Variants in SCFD1 observed in about 807,000 individuals in gnomAD.
The protein encoded by SCFD1 is sec1 family domain containing 1.
In SCFD1, 37 loss-of-function variants were observed where a neutral mutation model predicts 103.2. The ratio of observed to expected loss-of-function variants is 0.36; its 90% CI spans 0.28 to 0.47. The LOEUF (loss-of-function observed/expected upper bound fraction) is 0.47. Ranked by LOEUF, SCFD1 falls within the 20% of genes least tolerant of loss-of-function variation. The pLI, the probability that SCFD1 is intolerant of heterozygous loss-of-function variation, is 1.00. For synonymous variants in SCFD1, 264 were observed against 245.0 expected, an observed-to-expected ratio of 1.08 and a Z score of -0.73; for missense variants, 639 against 761.2, an observed-to-expected ratio of 0.84 and a Z score of 1.89.
intron 14 of SCFD1, chr14:30,676,781 A>G (rs1889068863): frequency 6.6e-6 from 1 of 152,156 alleles, no homozygotes; most frequent in Non-Finnish European, 1.5e-5. Context: ...TTTTAAAATA[A>G]AGAAGACTGT....
chr14:30,719,405 G>A, intron 21 of SCFD1, 28 bp downstream of exon 21: 1 of 1,571,408 alleles, frequency 6.4e-7, no homozygotes, highest in South Asian at 1.2e-5. Context: ...TGTTTAACTT[G>A]TGGATTTTTT....
intron 6 of SCFD1, among the ~76,000 whole-genome samples, chr14:30,640,234 A>G (rs947790060): frequency 2.0e-5 from 3 of 152,158 alleles, no homozygotes; most frequent in African/African-American, 7.2e-5. Context: ...CTGTGCTTAT[A>G]AAACACTGGA....
intron 8 of SCFD1, among the ~76,000 whole-genome samples, chr14:30,650,291 A>G (rs1020005953): frequency 6.6e-6 from 1 of 152,026 alleles, no homozygotes; most frequent in Non-Finnish European, 1.5e-5. Context: ...ATTACTGCAA[A>G]TCGTTTCCCA....
At chr14:30,684,915 G>T (rs1210823529) in intron 14 of SCFD1, among the ~76,000 whole-genome samples, 1 of 93,960 alleles carries the variant, frequency 1.1e-5, no homozygotes, top group African/African-American at 4.9e-5. Flanking sequence ...ACCCACTAAC[G>T]TGTCATCTAG....
intron 7 of SCFD1, among the ~76,000 whole-genome samples, chr14:30,644,673 A>G (rs973742140): frequency 6.6e-6 from 1 of 152,106 alleles, no homozygotes; most frequent in African/African-American, 2.4e-5. Context: ...GTGTCTGTTC[A>G]TGTCCTTTGC....
chr14:30,708,796 G>A (rs1199068749), intron 19 of SCFD1, among the ~76,000 whole-genome samples: 1 of 152,048 alleles, frequency 6.6e-6, no homozygotes, highest in African/African-American at 2.4e-5. Flanking sequence ...ATTGTACCTC[G>A]ATTTCGCATT....
chr14:30,724,072 T>TAA (rs59654790), intron 23 of SCFD1, among the ~76,000 whole-genome samples: 4,937 of 91,154 alleles, frequency 0.054, 181 homozygotes, highest in Middle Eastern at 0.093. Flanking sequence ...ACCAGTATCT[T>TAA]AAAAAAAAAA....
chr14:30,622,428 C>T (rs1472940149), intron 1 of SCFD1, 29 bp downstream of exon 1: 6 of 1,550,096 alleles, frequency 3.9e-6, no homozygotes, highest in Non-Finnish European at 5.2e-6. Flanking sequence ...CTCCTTGAAG[C>T]TTCGTGACTG....
chr14:30,697,841 A>C (rs1890801928), intron 15 of SCFD1, among the ~76,000 whole-genome samples: 2 of 152,264 alleles, frequency 1.3e-5, no homozygotes, highest in Admixed American at 6.5e-5. Context: ...TGTTTCATAC[A>C]GAAGAAGACT....
intron 5 of SCFD1, among the ~76,000 whole-genome samples, chr14:30,639,258 A>T (rs1885036165): frequency 1.3e-5 from 2 of 152,116 alleles, no homozygotes; most frequent in Admixed American, 1.3e-4. Flanking sequence ...AAGCTCTGGG[A>T]TTACAGGTGC....
At position 30,735,844 on chromosome 14, in the gene SCFD1, A is replaced by T; in HGVS notation, c.*235A>T. The T allele has an allele frequency of 2.5e-6, 1 of 397,882 alleles. No homozygotes were observed. Among genetic ancestry groups the T allele is most frequent in the East Asian group, 4.3e-5 (1 of 23,412 alleles). The allele number at this position is 397,882 out of a possible 1,614,324, so 24.6% of individuals were successfully genotyped here. A position where few individuals can be genotyped will look rare whatever the true frequency, so the allele number is the denominator to read the frequency against. ...CTCTGATAAATCAGAAAGTACTAAT[A>T]TAATAACTAATAGGTTATGATTGAA... is the stretch of plus-strand genomic sequence containing the variant. On this transcript the variant is annotated 3_prime_UTR_variant, in exon 25 of 25. Coordinates refer to ENST00000458591, the MANE Select transcript of SCFD1 (RefSeq NM_016106.4).
At chr14:30,625,526 T>G (rs1391618741) in intron 1 of SCFD1, among the ~76,000 whole-genome samples, 1 of 152,126 alleles carries the variant, frequency 6.6e-6, no homozygotes, top group Non-Finnish European at 1.5e-5. Context: ...TTGGGTAAAC[T>G]CTGATAAAAG....
intron 15 of SCFD1, among the ~76,000 whole-genome samples, chr14:30,695,506 A>C (rs1890632784): frequency 6.6e-6 from 1 of 152,110 alleles, no homozygotes; most frequent in Admixed American, 6.6e-5. Context: ...GGAAAGGGAG[A>C]GAGGTGGAGG....
intron 10 of SCFD1, among the ~76,000 whole-genome samples, chr14:30,668,625 G>A (rs1258545829): frequency 6.6e-6 from 1 of 152,034 alleles, no homozygotes; most frequent in Non-Finnish European, 1.5e-5. Context: ...CTACAGAATG[G>A]GAGAAAATTT....
At chr14:30,669,145 A>G (rs1266080433) in intron 10 of SCFD1, among the ~76,000 whole-genome samples, 1 of 152,142 alleles carries the variant, frequency 6.6e-6, no homozygotes, top group Non-Finnish European at 1.5e-5. Flanking sequence ...TATTTGAGAA[A>G]GTTACAAGGT....
chr14:30,665,511 CATA>C (rs1032890278), intron 10 of SCFD1, among the ~76,000 whole-genome samples: 5 of 152,172 alleles, frequency 3.3e-5, no homozygotes, highest in Admixed American at 3.3e-4. Context: ...CAGCAAATAT[CATA>C]ATGACAGGAT....
In SCFD1 at chr14:30,639,849, C is replaced by T. The variant is rs1885091665; in HGVS notation, c.508C>T (p.Leu170Phe). ...MFVLCNQNKE[L>F]VSYRAINRPD... The stretch of plus-strand genomic sequence containing the variant: ...TGTATTATGTAATCAAAATAAGGAG[C>T]TTGTTTCATATCGTGGTATGTAAAA... Residue 170 changes from leucine to phenylalanine, a missense_variant, in exon 6 of 25, where the codon CTT becomes TTT. By Grantham distance (22) the Leu-to-Phe change is conservative. Transcript: ENST00000458591. The T allele has an allele frequency of 6.3e-7, 1 of 1,582,992 alleles. No homozygotes were observed. The highest frequency in any genetic ancestry group is 8.6e-7 in the Non-Finnish European group (1 of 1,164,370).
chr14:30,638,344 C>T (rs1884938854), intron 5 of SCFD1, 97 bp downstream of exon 5: 2 of 1,533,818 alleles, frequency 1.3e-6, no homozygotes, highest in African/African-American at 2.8e-5. Context: ...TGACAGATGA[C>T]CAGAACAACA....
At chr14:30,678,418 G>A (rs1456049692) in intron 14 of SCFD1, among the ~76,000 whole-genome samples, 1 of 151,998 alleles carries the variant, frequency 6.6e-6, no homozygotes. Flanking sequence ...TAGTGATTTG[G>A]GTAATTTGGG....
Sources: allele counts gnomAD v4.1 joint callset (sites outside exome capture counted in the v4.1 genomes callset), GRCh38; gene constraint gnomAD v4.1.1; transcripts MANE v1.5; gene names NCBI Gene and HGNC (gene_info 2026-07-23, HGNC 2026-07-21).